Variants in EPS8L2 observed in about 807,000 individuals in gnomAD.
The protein encoded by EPS8L2 is epidermal growth factor receptor kinase substrate 8-like protein 2.
Under a neutral mutation model 99.4 loss-of-function variants are expected in EPS8L2, and 81 were observed. The ratio of observed to expected loss-of-function variants is 0.82; its 90% confidence interval spans 0.68 to 0.98. EPS8L2 has a LOEUF of 0.98. Ranked by LOEUF, EPS8L2 falls within the 50% of genes least tolerant of loss-of-function variation. The pLI is 0.00. For synonymous variants in EPS8L2, 509 were observed against 407.3 expected, an observed-to-expected ratio of 1.25 and a Z score of -3.01; for missense variants, 1,155 against 968.8, an observed-to-expected ratio of 1.19 and a Z score of -2.55.
In EPS8L2 at chr11:725,716, C is replaced by G. The variant is rs956161641; in HGVS notation, c.1561-12C>G. 7.6e-7 allele frequency: 1 copy of G among 1,314,368 alleles called. No individual in the cohort carries two copies. The highest frequency in any genetic ancestry group is 1.5e-5 in the African/African-American group (1 of 64,958). 81.4% of individuals were successfully genotyped at this position (1,314,368 alleles called of 1,614,324 possible). A position where few individuals can be genotyped will look rare whatever the true frequency, so the allele number is the denominator to read the frequency against. ...CCTGGGTGTGGGGAGGGGCTGACGG[C>G]GCGCCCCGCAGGTGCTGGAGGACGG... is the stretch of plus-strand genomic sequence containing the variant. On this transcript the variant is annotated splice_polypyrimidine_tract_variant and intron_variant, in intron 16 of 20. Transcript: ENST00000318562.
At chr11:709,772 C>G (rs1335109650) in intron 3 of EPS8L2, 164 bp downstream of exon 3, 2 of 705,410 alleles carry the variant, frequency 2.8e-6, no homozygotes, top group East Asian at 5.4e-5. Context: ...CCGAAAGCTC[C>G]TGGCCACTGG....
chr11:725,780 C>G lies in EPS8L2; in HGVS notation c.1613C>G (p.Ala538Gly). The G allele has an allele frequency of 7.3e-7, 1 of 1,364,988 alleles. No homozygotes were observed. The highest frequency in any genetic ancestry group is 9.4e-7 in the Non-Finnish European group (1 of 1,062,474). 84.6% of individuals were successfully genotyped at this position (1,364,988 alleles called of 1,614,324 possible). ...WWKLRSRSGQ[A>G]GYVPCNILGE... ...AAGCTGCGCAGCCGCAGCGGCCAGGCGGGGTACGTGCCCTGCAACATCCTA... is the reference window on the plus strand; with the variant it reads ...AAGCTGCGCAGCCGCAGCGGCCAGGGGGGGTACGTGCCCTGCAACATCCTA... Residue 538 changes from alanine (A) to glycine (G), a missense_variant, in exon 17 of 21, where the codon GCG becomes GGG. Transcript: ENST00000318562.
In EPS8L2 at chr11:715,229, G is replaced by A. The variant is rs535448556; in HGVS notation, c.165+4743G>A. On this transcript the variant is annotated intron_variant, in intron 4 of 20. Transcript: ENST00000318562. ...TGCACTCCAGCCTGGGAGACAGAGT[G>A]AGACTCTGTCTCAAAAAAAAAAAAA... Among the ~76,000 whole-genome samples, 727 of 149,718 alleles carry A rather than the reference G, an allele frequency of 4.9e-3. 4 individuals carry two copies. Among genetic ancestry groups the A allele is most frequent in the African/African-American group, 0.017 (696 of 39,814 alleles).
At chr11:712,412 T>TGGTCCAAGCCTGGGTG (rs1861915050) in intron 4 of EPS8L2, among the ~76,000 whole-genome samples, 1 of 138,592 alleles carries the variant, frequency 7.2e-6, no homozygotes, top group African/African-American at 2.6e-5. Flanking sequence ...CTCCCGGTTG[T>TGGTCCAAGCCTGGGTG]CGTCCAAGCC....
chr11:721,909 T>C lies in EPS8L2; in HGVS notation c.902T>C (p.Val301Ala). ...GCGGTGCCTCCCATGCCAGAGGGCG[T>C]CCTCACACTGCGGGCACGGCCCCCC... ...KKGKKAPAEG[V>A]LTLRARPPSE... Residue 301 changes from valine to alanine, a missense_variant, in exon 11 of 21, where the codon GTC becomes GCC. Coordinates refer to ENST00000318562, the MANE Select transcript of EPS8L2 (RefSeq NM_022772.4). The C allele has an allele frequency of 6.3e-7, 1 of 1,588,746 alleles. No individual in the cohort carries two copies. The highest frequency in any genetic ancestry group is 8.6e-7 in the Non-Finnish European group (1 of 1,168,208).
chr11:713,975 T>C lies in EPS8L2; in HGVS notation c.165+3489T>C, dbSNP rs185980948. 3.3e-5 allele frequency among the ~76,000 whole-genome samples: 5 copies of C among 152,330 alleles called. No homozygotes were observed. The East Asian group carries it at 9.7e-4, about 29-fold the overall frequency. ...CTGGTCCCCAGTGCCTGACCTCAGG[T>C]GATCCACCTGCCTCCCAAAGTGCTG... On this transcript the variant is annotated intron_variant, in intron 4 of 20. Coordinates refer to ENST00000318562, the MANE Select transcript of EPS8L2 (RefSeq NM_022772.4).
At chr11:709,861 A>G (rs11246281) in intron 3 of EPS8L2, 242,116 of 574,388 alleles carry the variant, frequency 0.42, 52,614 homozygotes, top group African/African-American at 0.57. Flanking sequence ...CGCTGCACTC[A>G]TTGCTGTAAC....
At chr11:712,211 G>A (rs1861910662) in intron 4 of EPS8L2, among the ~76,000 whole-genome samples, 4 of 150,664 alleles carry the variant, frequency 2.7e-5, no homozygotes, top group Admixed American at 2.6e-4. Flanking sequence ...ACTAGAACCC[G>A]GGAAATGGAG....
intron 10 of EPS8L2, 59 bp downstream of exon 10, chr11:721,750 G>T: frequency 6.4e-7 from 1 of 1,570,016 alleles, no homozygotes; most frequent in South Asian, 1.1e-5. Flanking sequence ...AGGTGCAGGG[G>T]ACAGGGACGG....
At chr11:722,591 A>G (rs559895598) in intron 13 of EPS8L2, 42 bp downstream of exon 13, 1 of 1,611,066 alleles carries the variant, frequency 6.2e-7, no homozygotes, top group South Asian at 1.1e-5. Context: ...ATGGGGGGCC[A>G]GCGCTGCATG....
chr11:721,632 C>T lies in EPS8L2; in HGVS notation c.836C>T (p.Ala279Val). 1 of 1,577,118 alleles carries T rather than the reference C, an allele frequency of 6.3e-7. No individual in the cohort carries two copies. The highest frequency in any genetic ancestry group is 8.6e-7 in the Non-Finnish European group (1 of 1,166,556). Reference protein sequence around the residue: ...FVARLQKAAEAFKQLNQRKKG... With the variant: ...FVARLQKAAEVFKQLNQRKKG... ...GCCCGGCTGCAGAAGGCAGCCGAGGCTTTCAAGCAGCTGAACCAGCGGAAA... is the reference window on the plus strand; with the variant it reads ...GCCCGGCTGCAGAAGGCAGCCGAGGTTTTCAAGCAGCTGAACCAGCGGAAA... The change falls in exon 10 of 21, where the codon GCT becomes GTT. Residue 279 changes from alanine to valine, a missense_variant. By Grantham distance (64) the Ala-to-Val change is moderately conservative. Coordinates refer to ENST00000318562, the MANE Select transcript of EPS8L2 (RefSeq NM_022772.4).
intron 4 of EPS8L2, among the ~76,000 whole-genome samples, chr11:717,825 T>C (rs1226852007): frequency 7.4e-5 from 11 of 149,290 alleles, no homozygotes; most frequent in East Asian, 2.0e-4. Context: ...CTGGCTAATA[T>C]GGTGAAACCC....
At chr11:714,148 T>A (rs115629655) in intron 4 of EPS8L2, among the ~76,000 whole-genome samples, 4 of 152,348 alleles carry the variant, frequency 2.6e-5, no homozygotes, top group African/African-American at 9.6e-5. Context: ...ACCAAATTTC[T>A]GGAGATTTCT....
Position 721,130 on chromosome 11 carries a change from C to A in EPS8L2, c.624C>A (p.Ile208=), listed in dbSNP as rs1179445914. The A allele has an allele frequency of 1.2e-5, 19 of 1,536,086 alleles. No homozygotes were observed. Among genetic ancestry groups the A allele is most frequent in the Non-Finnish European group, 1.7e-5 (19 of 1,143,504 alleles). Residue 208 remains isoleucine (I), a synonymous_variant, in exon 8 of 21, where the codon ATC becomes ATA. Transcript: ENST00000318562. The part of the protein sequence containing the change: ...ILPPPQGPAP[I]PFQHRGGDSP... The stretch of plus-strand genomic sequence containing the variant: ...CTCCTCCCCAGGGCCCGGCGCCCAT[C>A]CCCTTCCAGCACCGCGGCGGGGATT...
rs1012973631 is a variant in EPS8L2, at chr11:720,622, C to G, written c.353C>G (p.Pro118Arg). 4 of 1,600,138 alleles carry G rather than the reference C, an allele frequency of 2.5e-6. No homozygotes were observed. In the African/African-American group the frequency reaches 5.3e-5, roughly 21 times the overall value. The change falls in exon 6 of 21, where the codon CCC becomes CGC. Residue 118 changes from proline (P) to arginine (R), a missense_variant. By Grantham distance (103) the Pro-to-Arg change is moderately radical. Transcript: ENST00000318562. ...SQEELEDFPL[P>R]TVQRSQTVLN... ...GAGGAGCTGGAAGACTTCCCGCTGC[C>G]CACGGTGCAGCGCAGCCAGACGGTC...
Position 720,684 on chromosome 11 carries a change from G to T in EPS8L2, c.415G>T (p.Val139Leu), listed in dbSNP as rs368598389. Residue 139 changes from valine (V) to leucine (L), a missense_variant, in exon 6 of 21, where the codon GTG (valine) becomes TTG (leucine). Coordinates refer to ENST00000318562, the MANE Select transcript of EPS8L2 (RefSeq NM_022772.4). Reference sequence around the variant, plus strand: ...GCGCTACCCGTCTGTGCTGCTGCTCGTGTGCCAGGACTCGGAGCAGAGCAA... The same window carrying T: ...GCGCTACCCGTCTGTGCTGCTGCTCTTGTGCCAGGACTCGGAGCAGAGCAA... ...QLRYPSVLLL[V>L]CQDSEQSKPD... 3.8e-6 allele frequency: 6 copies of T among 1,598,244 alleles called. No individual in the cohort carries two copies. The highest frequency in any genetic ancestry group is 5.1e-6 in the Non-Finnish European group (6 of 1,173,908).
chr11:725,831 G>A lies in EPS8L2; in HGVS notation c.1664G>A (p.Gly555Asp). 2 of 1,385,886 alleles carry A rather than the reference G, an allele frequency of 1.4e-6. No homozygotes were observed. The highest frequency in any genetic ancestry group is 1.9e-6 in the Non-Finnish European group (2 of 1,075,434). The allele number at this position is 1,385,886 out of a possible 1,614,324, so 85.8% of individuals were successfully genotyped here. The change falls in exon 17 of 21, where the codon GGC becomes GAC. Residue 555 changes from glycine to aspartate, a missense_variant. Coordinates refer to ENST00000318562, the MANE Select transcript of EPS8L2 (RefSeq NM_022772.4). ...GGCGAGGCGCGACCGGAGGACGCCG[G>A]CGCCCCGTTCGAGCAGGTGAGCCCG... ...ILGEARPEDA[G>D]APFEQAGQKY...
At chr11:707,987 C>T (rs939448083) in intron 1 of EPS8L2, among the ~76,000 whole-genome samples, 5 of 152,154 alleles carry the variant, frequency 3.3e-5, no homozygotes, top group African/African-American at 9.7e-5. Flanking sequence ...AGTGGCCATA[C>T]CCCCTGGTGC....
chr11:709,946 C>G, intron 3 of EPS8L2: 1 of 456,346 alleles, frequency 2.2e-6, no homozygotes, highest in Admixed American at 3.7e-5. Context: ...CAGCCCCCAC[C>G]TCCCCCCACT....
Sources: allele counts gnomAD v4.1 joint callset (sites outside exome capture counted in the v4.1 genomes callset), GRCh38; gene constraint gnomAD v4.1.1; transcripts MANE v1.5; gene names NCBI Gene and HGNC (gene_info 2026-07-23, HGNC 2026-07-21).